Variants in TMEM131 observed in about 807,000 individuals in gnomAD.
TMEM131 encodes 2610524E03Rik.
TMEM131 carries 66 observed loss-of-function variants against 211.6 expected under a neutral mutation model. The ratio of observed to expected loss-of-function variants is 0.31; its 90% CI spans 0.26 to 0.38. The LOEUF is 0.38. Among genes scored for constraint, TMEM131 ranks in the 10% least tolerant of loss-of-function variants. The pLI is 1.00. For synonymous variants in TMEM131, 844 were observed against 841.3 expected (o/e 1.00, Z -0.06); for missense variants, 2,036 against 2,299.3 (o/e 0.89, Z 2.34).
chr2:97,811,919 T>C (rs1037060239), intron 17 of TMEM131, among the ~76,000 whole-genome samples: 2 of 152,136 alleles, frequency 1.3e-5, no homozygotes, highest in Non-Finnish European at 2.9e-5. Flanking sequence ...TTCTCTTGTT[T>C]AGCGCTCTCT....
intron 1 of TMEM131, among the ~76,000 whole-genome samples, chr2:97,988,491 C>T (rs557826530): frequency 1.3e-5 from 2 of 152,250 alleles, no homozygotes; most frequent in African/African-American, 4.8e-5. Flanking sequence ...AGTGAAAAGG[C>T]AACCTGCCAA....
In TMEM131 at chr2:97,930,507, A is replaced by G. The variant is rs149099182; in HGVS notation, c.188-3020T>C. Among the ~76,000 whole-genome samples, 156 of 152,018 alleles carry G rather than the reference A, an allele frequency of 1.0e-3. 3 individuals are homozygous for G. In the East Asian group the frequency reaches 0.019, roughly 19 times the overall value. ...AAAATTAATAACAGCAGCTGATTAT[A>G]AAGTCTCAAAAGGAAAATACTATGT... is the stretch of plus-strand genomic sequence containing the variant. On this transcript the variant is annotated intron_variant, in intron 1 of 40. Transcript: ENST00000186436.
rs1422886951 is a variant in TMEM131 at position 97,766,247 on chromosome 2, C to T, written c.4590G>A (p.Val1530=). Residue 1530 remains valine, a synonymous_variant, in exon 35 of 41, where the codon GTG becomes GTA. Coordinates refer to ENST00000186436, the MANE Select transcript of TMEM131 (RefSeq NM_015348.2). ...TTGCTAGGGCAGGTGGTCTGTTATC[C>T]ACTAACTTACTTGTACCTGCACAAA... ...AQKTKGTSKL[V]DNRPPALAKF... is the part of the protein sequence containing the mutation. The T allele has an allele frequency of 3.7e-6, 6 of 1,614,016 alleles. No homozygotes were observed. Among genetic ancestry groups the T allele is most frequent in the Non-Finnish European group, 4.2e-6 (5 of 1,179,900 alleles).
At chr2:97,868,738 T>C (rs931462877) in intron 4 of TMEM131, among the ~76,000 whole-genome samples, 1 of 152,192 alleles carries the variant, frequency 6.6e-6, no homozygotes, top group African/African-American at 2.4e-5. Context: ...GAGGCAGTGA[T>C]AGATAGGTAT....
At chr2:97,798,520 T>G (rs999248800) in intron 25 of TMEM131, among the ~76,000 whole-genome samples, 3 of 152,262 alleles carry the variant, frequency 2.0e-5, no homozygotes, top group Non-Finnish European at 4.4e-5. Context: ...TGAAGCACAT[T>G]ACTTTTAATT....
rs757639689 is a variant in TMEM131 at position 97,766,269 on chromosome 2, C to T, written c.4574-6G>A. 6.2e-7 allele frequency: 1 copy of T among 1,613,808 alleles called. No homozygotes were observed. The highest frequency in any genetic ancestry group is 8.5e-7 in the Non-Finnish European group (1 of 1,179,810). On this transcript the variant is annotated splice_polypyrimidine_tract_variant and splice_region_variant and intron_variant, in intron 34 of 40. Coordinates refer to ENST00000186436, the MANE Select transcript of TMEM131 (RefSeq NM_015348.2). Reference sequence around the variant, plus strand: ...ATCCACTAACTTACTTGTACCTGCACAAAAATCAGAAAAGAACATGGTTAA... The same window carrying T: ...ATCCACTAACTTACTTGTACCTGCATAAAAATCAGAAAAGAACATGGTTAA...
At chr2:97,943,686 A>G (rs1234786799) in intron 1 of TMEM131, among the ~76,000 whole-genome samples, 1 of 152,242 alleles carries the variant, frequency 6.6e-6, no homozygotes, top group Non-Finnish European at 1.5e-5. Flanking sequence ...TAGCCAAAAC[A>G]GTTTTGAAAA....
rs747422249 is a variant in TMEM131 at position 97,759,637 on chromosome 2, G to C, written c.5206+15C>G. 1.3e-6 allele frequency: 2 copies of C among 1,593,838 alleles called. No homozygotes were observed. The highest frequency in any genetic ancestry group is 2.2e-5 in the South Asian group (2 of 89,680). ...CACAGGCTTATTAGTTACACATCTA[G>C]TGTTAAACACTCACCACCAGTTAGA... On this transcript the variant is annotated intron_variant, in intron 39 of 40. Transcript: ENST00000186436.
chr2:97,923,614 ACTGT>A (rs1676837387), intron 2 of TMEM131, among the ~76,000 whole-genome samples: 1 of 121,656 alleles, frequency 8.2e-6, no homozygotes, highest in South Asian at 2.5e-4. Flanking sequence ...AGAGCAAGAC[ACTGT>A]CTTTTTTTTT....
chr2:97,926,292 T>C (rs1047733116), intron 2 of TMEM131, among the ~76,000 whole-genome samples: 3 of 152,182 alleles, frequency 2.0e-5, no homozygotes, highest in Non-Finnish European at 4.4e-5. Context: ...TATTCTGCCA[T>C]AGAAATGCTA....
At position 97,905,891 on chromosome 2, in the gene TMEM131, C is replaced by T. The variant is rs183467562; in HGVS notation, c.290+2767G>A. Among the ~76,000 whole-genome samples, 330 of 152,268 alleles carry T rather than the reference C, an allele frequency of 2.2e-3. 1 individual carries two copies. The highest frequency in any genetic ancestry group is 3.9e-3 in the Non-Finnish European group (265 of 68,024). Reference sequence around the variant, plus strand: ...AAAGCCTGTAGAAAATGAGATCTGCCAATATCCTCTGGCCGTTAAACACAC... The same window carrying T: ...AAAGCCTGTAGAAAATGAGATCTGCTAATATCCTCTGGCCGTTAAACACAC... On this transcript the variant is annotated intron_variant, in intron 3 of 40. Coordinates refer to ENST00000186436, the MANE Select transcript of TMEM131 (RefSeq NM_015348.2).
chr2:97,876,602 A>T (rs1674705986), intron 4 of TMEM131, among the ~76,000 whole-genome samples: 1 of 152,234 alleles, frequency 6.6e-6, no homozygotes, highest in Admixed American at 6.5e-5. Context: ...GACAAAAGCC[A>T]CAGGATTATC....
chr2:97,796,706 T>C (rs1325431609), intron 27 of TMEM131, 138 bp downstream of exon 27: 1 of 902,920 alleles, frequency 1.1e-6, no homozygotes, highest in Non-Finnish European at 1.6e-6. Flanking sequence ...AAACACAACA[T>C]GGAATTTCCT....
chr2:97,795,075 G>C lies in TMEM131; in HGVS notation c.3241C>G (p.Leu1081Val). ...DFTASRVIRE[L>V]KFITTSGSEF... ...GAGCCACTGGTTGTTATAAACTTCA[G>C]TTCCCGAATAACTCTAGAAGCTGTA... The change falls in exon 29 of 41, where the codon CTG becomes GTG. Residue 1081 changes from leucine to valine, a missense_variant. By Grantham distance (32) the Leu-to-Val change is conservative. Transcript: ENST00000186436. The C allele has an allele frequency of 6.2e-7, 1 of 1,613,768 alleles. No homozygotes were observed. The highest frequency in any genetic ancestry group is 8.5e-7 in the Non-Finnish European group (1 of 1,179,774).
intron 4 of TMEM131, among the ~76,000 whole-genome samples, chr2:97,861,355 T>C (rs1661641945): frequency 6.6e-6 from 1 of 151,024 alleles, no homozygotes; most frequent in Non-Finnish European, 1.5e-5. Context: ...AGCTCACAGC[T>C]CTGAAAGAGA....
intron 1 of TMEM131, among the ~76,000 whole-genome samples, chr2:97,969,928 C>T (rs1163910198): frequency 6.6e-6 from 1 of 152,160 alleles, no homozygotes; most frequent in Non-Finnish European, 1.5e-5. Context: ...TGGAGTTGTT[C>T]AGGGTCCCAG....
At chr2:97,797,102 G>T in intron 26 of TMEM131, 116 bp from the exon 27 acceptor site, 1 of 1,149,618 alleles carries the variant, frequency 8.7e-7, no homozygotes, top group Non-Finnish European at 1.2e-6. Context: ...TTAATGGTGA[G>T]AATTTATACT....
chr2:97,822,752 C>G (rs923230456), intron 11 of TMEM131, among the ~76,000 whole-genome samples: 2 of 152,110 alleles, frequency 1.3e-5, no homozygotes, highest in African/African-American at 4.8e-5. Flanking sequence ...GGTCCAGGGA[C>G]TGTTGTGGGT....
intron 1 of TMEM131, among the ~76,000 whole-genome samples, chr2:97,961,584 TA>T (rs1003618236): frequency 6.6e-6 from 1 of 152,192 alleles, no homozygotes; most frequent in Admixed American, 6.5e-5. Flanking sequence ...TGGAAGTAAC[TA>T]AAACAGCCAA....
Sources: allele counts gnomAD v4.1 joint callset (sites outside exome capture counted in the v4.1 genomes callset), GRCh38; gene constraint gnomAD v4.1.1; transcripts MANE v1.5; gene names NCBI Gene and HGNC (gene_info 2026-07-23, HGNC 2026-07-21).